GLP2R: variants seen among roughly 807,000 people sequenced by gnomAD.
The protein encoded by GLP2R is glucagon-like peptide 2 receptor.
GLP2R carries 59 observed loss-of-function variants against 68.2 expected under a neutral mutation model. That is an observed-to-expected ratio of 0.87 (90% CI 0.70 to 1.07). GLP2R has a LOEUF of 1.07. Ranked by LOEUF, GLP2R falls within the 50% of genes least tolerant of loss-of-function variation. The probability of loss-of-function intolerance (pLI) is 0.00; values close to 1 mark genes in which losing one functional copy is unlikely to be tolerated. For missense variants in GLP2R, 548 were observed against 677.4 expected (o/e 0.81, Z 2.12); for synonymous variants, 270 against 265.4 (o/e 1.02, Z -0.17).
At chr17:9,837,694 A>G (rs1448963052) in intron 3 of GLP2R, among the ~76,000 whole-genome samples, 3 of 151,996 alleles carry the variant, frequency 2.0e-5, no homozygotes, top group Admixed American at 6.5e-5. Context: ...TACCAGCCCC[A>G]GAAGCCCAAC....
At chr17:9,872,202 G>T (rs2067101217) in intron 10 of GLP2R, among the ~76,000 whole-genome samples, 1 of 152,204 alleles carries the variant, frequency 6.6e-6, no homozygotes, top group Non-Finnish European at 1.5e-5. Flanking sequence ...TCACCCAGGT[G>T]CTGGGAAGGG....
chr17:9,880,157 A>G (rs1334468631), intron 10 of GLP2R, among the ~76,000 whole-genome samples: 3 of 152,210 alleles, frequency 2.0e-5, no homozygotes, highest in Non-Finnish European at 4.4e-5. Flanking sequence ...CATTCATTCA[A>G]TTCATGTTTT....
chr17:9,839,741 G>T (rs2066767570), intron 3 of GLP2R, among the ~76,000 whole-genome samples: 2 of 152,122 alleles, frequency 1.3e-5, no homozygotes, highest in Admixed American at 6.5e-5. Context: ...TCTCCCCCAC[G>T]TTCAGGGTTC....
chr17:9,852,071 T>A (rs2066896853), intron 4 of GLP2R, among the ~76,000 whole-genome samples: 1 of 151,008 alleles, frequency 6.6e-6, no homozygotes, highest in South Asian at 2.1e-4. Flanking sequence ...TTTTTTTTTT[T>A]ACTTTAAGTT....
At chr17:9,860,673 A>G (rs1488342950) in intron 7 of GLP2R, among the ~76,000 whole-genome samples, 1 of 152,122 alleles carries the variant, frequency 6.6e-6, no homozygotes, top group East Asian at 1.9e-4. Flanking sequence ...AAATACCATC[A>G]CTGGGGTAGG....
chr17:9,844,338 A>G (rs2066816236), intron 4 of GLP2R, among the ~76,000 whole-genome samples: 1 of 152,182 alleles, frequency 6.6e-6, no homozygotes, highest in Non-Finnish European at 1.5e-5. Flanking sequence ...TGAACTTGTC[A>G]ACACATGAGT....
Position 9,842,736 on chromosome 17 carries a change from G to A in GLP2R, c.504+120G>A, listed in dbSNP as rs143704251. The A allele has an allele frequency of 1.1e-4, 127 of 1,110,926 alleles. No homozygotes were observed. The East Asian group carries it at 1.3e-3, about 12-fold the overall frequency. The allele number at this position is 1,110,926 out of a possible 1,614,324, so 68.8% of individuals were successfully genotyped here. A position where few individuals can be genotyped will look rare whatever the true frequency, so the allele number is the denominator to read the frequency against. ...AGAGGCTTCTCCAGCGCCTCTCCCC[G>A]GGGAAGCTAAGGAAGGTCCCGCAAA... is the stretch of plus-strand genomic sequence containing the variant. On this transcript the variant is annotated intron_variant, in intron 4 of 12. Coordinates refer to ENST00000262441, the MANE Select transcript of GLP2R (RefSeq NM_004246.3).
intron 4 of GLP2R, among the ~76,000 whole-genome samples, chr17:9,846,436 C>A (rs183909755): frequency 6.6e-6 from 1 of 151,958 alleles, no homozygotes; most frequent in Non-Finnish European, 1.5e-5. Context: ...GGCAACACGG[C>A]GAAACCCCAT....
rs3073992 is a variant in GLP2R, at chr17:9,885,148, TTTATTATTA to T, written c.1285-2753_1285-2745del. Reference sequence around the variant, plus strand: ...CTTCATGGCTTAAAATAGTAACCATTTTATTATTATTATTATTATTATTATTATTATTAT... The same window carrying T: ...CTTCATGGCTTAAAATAGTAACCATTTTATTATTATTATTATTATTATTAT... On this transcript the variant is annotated intron_variant, in intron 11 of 12. Transcript: ENST00000262441. Among the ~76,000 whole-genome samples, 1,044 of 143,356 alleles carry T rather than the reference TTTATTATTA, an allele frequency of 7.3e-3. 11 individuals are homozygous for T. Among genetic ancestry groups the T allele is most frequent in the African/African-American group, 0.02 (799 of 39,310 alleles). The allele number at this position is 143,356 out of a possible 152,430, so 94.0% of individuals were successfully genotyped here.
In GLP2R at chr17:9,860,116, C is replaced by T. The variant is rs2066974560; in HGVS notation, c.925+15C>T. The T allele has an allele frequency of 2.6e-6, 4 of 1,564,976 alleles. No individual in the cohort carries two copies. Among genetic ancestry groups the T allele is most frequent in the Non-Finnish European group, 3.5e-6 (4 of 1,153,342 alleles). The stretch of plus-strand genomic sequence containing the variant: ...GTTGGGTTGGGGTGAGTGACCTGAC[C>T]TTCAGCTTCCTTTCCTGGGGATCCA... On this transcript the variant is annotated intron_variant, in intron 7 of 12. Coordinates refer to ENST00000262441, the MANE Select transcript of GLP2R (RefSeq NM_004246.3).
intron 11 of GLP2R, among the ~76,000 whole-genome samples, chr17:9,886,451 C>A (rs2067244882): frequency 6.6e-6 from 1 of 152,190 alleles, no homozygotes; most frequent in Admixed American, 6.5e-5. Flanking sequence ...CCTATTTTAG[C>A]CAACTTGTTT....
rs1387418444 is a variant in GLP2R, at chr17:9,889,924, C to T, written c.*219C>T. 2 of 622,214 alleles carry T rather than the reference C, an allele frequency of 3.2e-6. No homozygotes were observed. The highest frequency in any genetic ancestry group is 4.2e-5 in the Admixed American group (2 of 47,064). The allele number at this position is 622,214 out of a possible 1,614,324, so 38.5% of individuals were successfully genotyped here. A position where few individuals can be genotyped will look rare whatever the true frequency, so the allele number is the denominator to read the frequency against. On this transcript the variant is annotated 3_prime_UTR_variant, in exon 13 of 13. Coordinates refer to ENST00000262441, the MANE Select transcript of GLP2R (RefSeq NM_004246.3). ...TGCCTGCTCTTCTCATCCTAATAAC[C>T]CCCACCAGTGTGTTTTCCACAATGC...
intron 10 of GLP2R, among the ~76,000 whole-genome samples, chr17:9,877,028 A>G (rs2067147300): frequency 6.6e-6 from 1 of 152,166 alleles, no homozygotes; most frequent in South Asian, 2.1e-4. Flanking sequence ...ACAGAGAGAG[A>G]GGTTAAATAA....
chr17:9,868,845 C>T (rs1006446254), intron 9 of GLP2R, among the ~76,000 whole-genome samples: 1 of 152,166 alleles, frequency 6.6e-6, no homozygotes, highest in African/African-American at 2.4e-5. Context: ...GAAATAAATG[C>T]CTTTCTGCTG....
At chr17:9,835,708 C>T (rs1439158172) in intron 2 of GLP2R, among the ~76,000 whole-genome samples, 3 of 152,050 alleles carry the variant, frequency 2.0e-5, no homozygotes, top group Admixed American at 1.3e-4. Flanking sequence ...GGCTCAGCCT[C>T]CAAGAGTCCT....
rs770147294 is a variant in GLP2R, at chr17:9,854,552, T to G, written c.562T>G (p.Phe188Val). The G allele has an allele frequency of 6.2e-7, 1 of 1,612,490 alleles. No homozygotes were observed. Among genetic ancestry groups the G allele is most frequent in the Non-Finnish European group, 8.5e-7 (1 of 1,178,462 alleles). ...LQLMYTVGYS[F>V]SLISLFLALT... ...GCTGATGTACACCGTGGGATACTCC[T>G]TCTCTCTTATCTCCCTCTTCCTGGC... is the stretch of plus-strand genomic sequence containing the variant. The change falls in exon 5 of 13, where the codon TTC becomes GTC. Residue 188 changes from phenylalanine to valine, a missense_variant. Physicochemically the swap from Phe to Val is conservative, Grantham distance 50. Transcript: ENST00000262441.
rs546559322 is a variant in GLP2R at position 9,888,066 on chromosome 17, C to T, written c.1326+93C>T. The T allele has an allele frequency of 1.6e-4, 138 of 877,876 alleles. 1 individual carries two copies. The Admixed American group carries it at 1.9e-3, about 12-fold the overall frequency. The allele number at this position is 877,876 out of a possible 1,614,324, so 54.4% of individuals were successfully genotyped here. On this transcript the variant is annotated intron_variant, in intron 12 of 12. Transcript: ENST00000262441. ...GGTTTCTGTGGATGGGATGATGCTACGGGAGAATGTGCAGTGACCAGCATG... is the reference window on the plus strand; with the variant it reads ...GGTTTCTGTGGATGGGATGATGCTATGGGAGAATGTGCAGTGACCAGCATG...
At chr17:9,888,651 G>A in intron 12 of GLP2R, among the ~76,000 whole-genome samples, 1 of 152,144 alleles carries the variant, frequency 6.6e-6, no homozygotes, top group East Asian at 1.9e-4. Context: ...ATTTTTAGTA[G>A]AGATGGGGTT....
At chr17:9,878,646 C>A (rs1358428666) in intron 10 of GLP2R, among the ~76,000 whole-genome samples, 1 of 152,164 alleles carries the variant, frequency 6.6e-6, no homozygotes, top group South Asian at 2.1e-4. Flanking sequence ...AATCACATGG[C>A]CAGGTGGAGT....
Sources: allele counts gnomAD v4.1 joint callset (sites outside exome capture counted in the v4.1 genomes callset), GRCh38; gene constraint gnomAD v4.1.1; transcripts MANE v1.5; gene names NCBI Gene and HGNC (gene_info 2026-07-23, HGNC 2026-07-21).